The following LRFN2 variants were observed in gnomAD, a reference collection of about 807,000 sequenced individuals.
LRFN2 encodes the protein leucine rich repeat and fibronectin type III domain containing 2, also known as leucine-rich repeat and fibronectin type-III domain-containing protein 2.
In LRFN2, 18 loss-of-function variants were observed where a neutral mutation model predicts 37.3. That is an observed-to-expected ratio of 0.48 (90% confidence interval 0.33 to 0.72). LRFN2 has a LOEUF of 0.72. Among genes scored for constraint, LRFN2 ranks in the 30% least tolerant of loss-of-function variants. The pLI, the probability that LRFN2 is intolerant of heterozygous loss-of-function variation, is 0.02. For missense variants in LRFN2, 1,006 were observed against 1,060.7 expected (o/e 0.95, Z 0.72); for synonymous variants, 556 against 466.6 (o/e 1.19, Z -2.47).
intron 1 of LRFN2, among the ~76,000 whole-genome samples, chr6:40,534,417 A>G (rs78777747): frequency 2.4e-4 from 36 of 151,788 alleles, no homozygotes; most frequent in Non-Finnish European, 3.1e-4. Context: ...ACTCCCCCCA[A>G]CTGCTGATCC....
intron 1 of LRFN2, among the ~76,000 whole-genome samples, chr6:40,533,321 C>T (rs1176169970): frequency 6.6e-6 from 1 of 151,394 alleles, no homozygotes; most frequent in Middle Eastern, 3.2e-3. Flanking sequence ...CTGTTCCCTG[C>T]TCTAAAAAGT....
chr6:40,475,473 T>G (rs993046591), intron 1 of LRFN2, among the ~76,000 whole-genome samples: 2 of 151,888 alleles, frequency 1.3e-5, no homozygotes, highest in Admixed American at 6.6e-5. Flanking sequence ...CAGGGGCTGG[T>G]GGGGTGTCAT....
At chr6:40,555,016 C>T (rs1463272711) in intron 1 of LRFN2, among the ~76,000 whole-genome samples, 1 of 152,218 alleles carries the variant, frequency 6.6e-6, no homozygotes, top group African/African-American at 2.4e-5. Context: ...TTCCTCCTGA[C>T]CTCTAACATA....
chr6:40,446,353 G>A (rs1267133198), intron 1 of LRFN2, among the ~76,000 whole-genome samples: 2 of 152,218 alleles, frequency 1.3e-5, no homozygotes, highest in Admixed American at 6.5e-5. Flanking sequence ...TAGGGCCCAC[G>A]AAGGCCATAA....
chr6:40,432,354 G>T lies in LRFN2; in HGVS notation c.760C>A (p.Arg254=). The change falls in exon 2 of 3, where the codon CGG becomes AGG. Residue 254 remains arginine, a synonymous_variant. Transcript: ENST00000338305. ...AGGTCATCGTCCCGCTCGAGCCTCC[G>T]CAGCCAGAGAAGCTCACAATTGCAG... The part of the protein sequence containing the change: ...LHCNCELLWL[R]RLERDDDLET... 6.2e-7 allele frequency: 1 copy of T among 1,614,156 alleles called. No individual in the cohort carries two copies. The highest frequency in any genetic ancestry group is 8.5e-7 in the Non-Finnish European group (1 of 1,180,046).
intron 2 of LRFN2, among the ~76,000 whole-genome samples, chr6:40,423,796 A>G (rs1226837623): frequency 6.6e-6 from 1 of 152,150 alleles, no homozygotes; most frequent in Non-Finnish European, 1.5e-5. Context: ...TTCCTATTGC[A>G]TAAAAGGGCG....
chr6:40,469,270 C>T (rs1308932170), intron 1 of LRFN2, among the ~76,000 whole-genome samples: 2 of 152,200 alleles, frequency 1.3e-5, no homozygotes, highest in African/African-American at 2.4e-5. Context: ...GGCAGTGTGA[C>T]TCCAGCACCT....
chr6:40,585,365 T>A (rs1767481869), intron 1 of LRFN2, among the ~76,000 whole-genome samples: 1 of 152,020 alleles, frequency 6.6e-6, no homozygotes, highest in African/African-American at 2.4e-5. Context: ...AAGATGACAT[T>A]CCAGCATCAG....
intron 1 of LRFN2, among the ~76,000 whole-genome samples, chr6:40,577,596 A>G (rs1581803401): frequency 1.6e-5 from 1 of 63,678 alleles, no homozygotes; most frequent in African/African-American, 7.0e-5. Context: ...CCCCCACCCC[A>G]CCACAGTCCC....
intron 1 of LRFN2, among the ~76,000 whole-genome samples, chr6:40,548,911 G>A (rs1381599633): frequency 2.0e-5 from 3 of 152,150 alleles, no homozygotes; most frequent in African/African-American, 7.2e-5. Context: ...CCATACTTGA[G>A]GTCCACACCA....
intron 1 of LRFN2, among the ~76,000 whole-genome samples, chr6:40,466,868 TA>T (rs1419301525): frequency 3.9e-5 from 6 of 152,114 alleles, no homozygotes; most frequent in African/African-American, 1.4e-4. Flanking sequence ...ATAATTAAGG[TA>T]AAATGAAGTC....
intron 2 of LRFN2, among the ~76,000 whole-genome samples, chr6:40,416,289 G>T (rs186398236): frequency 3.9e-5 from 6 of 152,240 alleles, no homozygotes; most frequent in Admixed American, 3.3e-4. Context: ...GATTACAGGC[G>T]TGAGCCACCA....
chr6:40,427,688 T>C (rs1304689046), intron 2 of LRFN2, among the ~76,000 whole-genome samples: 1 of 152,250 alleles, frequency 6.6e-6, no homozygotes, highest in African/African-American at 2.4e-5. Context: ...TCCAGAGTTG[T>C]ATAGGGACTC....
intron 2 of LRFN2, among the ~76,000 whole-genome samples, chr6:40,400,456 T>C (rs1034049318): frequency 1.4e-5 from 2 of 145,760 alleles, no homozygotes; most frequent in Admixed American, 1.4e-4. Context: ...AGTCTTAGTC[T>C]GTCACCCAGG....
intron 1 of LRFN2, among the ~76,000 whole-genome samples, chr6:40,502,666 C>T (rs561271182): frequency 1.7e-4 from 26 of 152,344 alleles, no homozygotes; most frequent in African/African-American, 6.3e-4. Flanking sequence ...ATTCACTCTC[C>T]TGTCTCCCAG....
At chr6:40,463,281 G>C (rs900769184) in intron 1 of LRFN2, among the ~76,000 whole-genome samples, 2 of 152,306 alleles carry the variant, frequency 1.3e-5, no homozygotes, top group East Asian at 3.9e-4. Context: ...AAACAGAGCT[G>C]CCCTTGGATA....
chr6:40,423,164 C>T lies in LRFN2; in HGVS notation c.1400+8550G>A, dbSNP rs148540815. Among the ~76,000 whole-genome samples, 571 of 152,300 alleles carry T rather than the reference C, an allele frequency of 3.7e-3. 6 individuals are homozygous for T. Among genetic ancestry groups the T allele is most frequent in the African/African-American group, 0.012 (501 of 41,572 alleles). On this transcript the variant is annotated intron_variant, in intron 2 of 2. Coordinates refer to ENST00000338305, the MANE Select transcript of LRFN2 (RefSeq NM_020737.3). ...AAACCTCCTGTGGGTTTTCAAACTC[C>T]ACCATCAGGGATTCACTCCTTTGGG...
chr6:40,401,462 G>A (rs183692715), intron 2 of LRFN2, among the ~76,000 whole-genome samples: 13 of 152,278 alleles, frequency 8.5e-5, no homozygotes, highest in Admixed American at 7.8e-4. Context: ...GGGTACCTAA[G>A]TCTCCCATAA....
intron 1 of LRFN2, among the ~76,000 whole-genome samples, chr6:40,493,241 G>C (rs1306221244): frequency 6.6e-6 from 1 of 152,136 alleles, no homozygotes; most frequent in Non-Finnish European, 1.5e-5. Flanking sequence ...AGCCCACCTT[G>C]AACTTCTGCC....
Sources: allele counts gnomAD v4.1 joint callset (sites outside exome capture counted in the v4.1 genomes callset), GRCh38; gene constraint gnomAD v4.1.1; transcripts MANE v1.5; gene names NCBI Gene and HGNC (gene_info 2026-07-23, HGNC 2026-07-21).